Variants in ADGRB3 observed in about 807,000 individuals in gnomAD.
The protein encoded by ADGRB3 is adhesion G protein-coupled receptor B3.
A neutral mutation model predicts 193.4 loss-of-function variants in ADGRB3; 37 were observed. The ratio of observed to expected loss-of-function variants is 0.19; its 90% CI spans 0.15 to 0.25. The LOEUF (loss-of-function observed/expected upper bound fraction) is 0.25. ADGRB3 is among the 10% of genes least tolerant of loss of function. The pLI is 1.00. For synonymous variants in ADGRB3, 690 were observed against 644.2 expected (o/e 1.07, Z -1.08); for missense variants, 1,637 against 1,852.9 (o/e 0.88, Z 2.14).
At chr6:69,156,988 C>A (rs1280168927) in intron 17 of ADGRB3, among the ~76,000 whole-genome samples, 1 of 152,172 alleles carries the variant, frequency 6.6e-6, no homozygotes, top group African/African-American at 2.4e-5. Context: ...AGAGAAGACA[C>A]TATGTTTCCC....
chr6:68,993,734 T>A, intron 10 of ADGRB3, 34 bp from the exon 11 acceptor site: 1 of 1,574,530 alleles, frequency 6.4e-7, no homozygotes, highest in Non-Finnish European at 8.6e-7. Flanking sequence ...TAATGAAGAT[T>A]CTGATGTTTG....
At chr6:69,069,545 T>A (rs1448079924) in intron 16 of ADGRB3, among the ~76,000 whole-genome samples, 3 of 5,230 alleles carry the variant, frequency 5.7e-4, no homozygotes, top group African/African-American at 7.2e-4. Flanking sequence ...CCGTCTCTAC[T>A]AAAAATACAA....
At position 68,846,336 on chromosome 6, in the gene ADGRB3, G is replaced by A. The variant is rs139285649; in HGVS notation, c.758-84223G>A. 1.6e-3 allele frequency among the ~76,000 whole-genome samples: 250 copies of A among 152,338 alleles called. 3 individuals carry two copies. Among genetic ancestry groups the A allele is most frequent in the African/African-American group, 5.8e-3 (241 of 41,588 alleles). ...CCCATTTTTCTGGGGAGAAATTCAAGCTGGCTGCAGAAATTTGCATAAATA... is the reference window on the plus strand; with the variant it reads ...CCCATTTTTCTGGGGAGAAATTCAAACTGGCTGCAGAAATTTGCATAAATA... On this transcript the variant is annotated intron_variant, in intron 3 of 31. Coordinates refer to ENST00000370598, the MANE Select transcript of ADGRB3 (RefSeq NM_001704.3).
intron 3 of ADGRB3, among the ~76,000 whole-genome samples, chr6:68,888,761 A>G (rs910348375): frequency 6.6e-6 from 1 of 152,192 alleles, no homozygotes; most frequent in African/African-American, 2.4e-5. Flanking sequence ...AATGACATTT[A>G]AGTATGGTCC....
intron 11 of ADGRB3, among the ~76,000 whole-genome samples, chr6:69,007,081 T>A (rs1562119339): frequency 1.3e-5 from 2 of 152,140 alleles, no homozygotes; most frequent in Admixed American, 6.6e-5. Context: ...AAGTTCACTT[T>A]CTTTTCTCAA....
At chr6:69,123,972 T>C (rs1411820407) in intron 17 of ADGRB3, among the ~76,000 whole-genome samples, 1 of 152,162 alleles carries the variant, frequency 6.6e-6, no homozygotes, top group African/African-American at 2.4e-5. Flanking sequence ...AAATATCTCT[T>C]CCTTACATTT....
intron 17 of ADGRB3, among the ~76,000 whole-genome samples, chr6:69,199,693 A>T (rs1238153744): frequency 6.6e-6 from 1 of 152,058 alleles, no homozygotes; most frequent in Middle Eastern, 3.2e-3. Context: ...CAAAACAGTA[A>T]CACATAGCTT....
chr6:69,358,438 C>T (rs889482848), intron 28 of ADGRB3, among the ~76,000 whole-genome samples: 3 of 151,852 alleles, frequency 2.0e-5, no homozygotes, highest in African/African-American at 7.2e-5. Flanking sequence ...TTTTCCCGGG[C>T]CTCATTGTAT....
At chr6:68,857,959 A>C (rs2150212942) in intron 3 of ADGRB3, among the ~76,000 whole-genome samples, 1 of 152,272 alleles carries the variant, frequency 6.6e-6, no homozygotes, top group South Asian at 2.1e-4. Flanking sequence ...TGGTTTTAAA[A>C]ATGGGAGTTA....
chr6:69,035,203 A>G (rs1417847529), intron 13 of ADGRB3, among the ~76,000 whole-genome samples: 4 of 152,054 alleles, frequency 2.6e-5, no homozygotes, highest in African/African-American at 9.7e-5. Flanking sequence ...GCATCAAATG[A>G]GGTAATTCGC....
chr6:68,649,167 C>T (rs1031214941), intron 3 of ADGRB3, among the ~76,000 whole-genome samples: 6 of 152,096 alleles, frequency 3.9e-5, no homozygotes, highest in Non-Finnish European at 7.4e-5. Context: ...TTCTCACTCC[C>T]TCTTATGTCT....
intron 10 of ADGRB3, among the ~76,000 whole-genome samples, chr6:68,982,783 C>T (rs1768957783): frequency 6.6e-6 from 1 of 152,162 alleles, no homozygotes; most frequent in Admixed American, 6.5e-5. Context: ...CAAATTTTCA[C>T]TATATTTTTC....
chr6:68,695,899 G>A (rs1360877613), intron 3 of ADGRB3, among the ~76,000 whole-genome samples: 1 of 151,926 alleles, frequency 6.6e-6, no homozygotes, highest in East Asian at 1.9e-4. Context: ...AATGTTGTGA[G>A]GCAAAGGAGC....
At chr6:68,861,933 G>A (rs2150215062) in intron 3 of ADGRB3, among the ~76,000 whole-genome samples, 1 of 152,194 alleles carries the variant, frequency 6.6e-6, no homozygotes. Flanking sequence ...CATTTTATAA[G>A]AGCTAGATTA....
At chr6:68,823,015 A>T (rs1767775031) in intron 3 of ADGRB3, among the ~76,000 whole-genome samples, 1 of 152,020 alleles carries the variant, frequency 6.6e-6, no homozygotes, top group Non-Finnish European at 1.5e-5. Flanking sequence ...GATGATTGCT[A>T]CTTTCAAATA....
intron 13 of ADGRB3, among the ~76,000 whole-genome samples, chr6:69,037,855 T>G (rs1770919705): frequency 6.6e-6 from 1 of 152,178 alleles, no homozygotes; most frequent in South Asian, 2.1e-4. Flanking sequence ...TGAAAAGCTT[T>G]CTCTATTTAG....
At chr6:68,836,162 G>A (rs1261930356) in intron 3 of ADGRB3, among the ~76,000 whole-genome samples, 1 of 152,038 alleles carries the variant, frequency 6.6e-6, no homozygotes, top group African/African-American at 2.4e-5. Flanking sequence ...GAAATGCCAT[G>A]AAGCTCTTTC....
intron 17 of ADGRB3, among the ~76,000 whole-genome samples, chr6:69,220,600 C>A (rs931309267): frequency 6.6e-6 from 1 of 152,098 alleles, no homozygotes; most frequent in African/African-American, 2.4e-5. Flanking sequence ...GATAGAATCA[C>A]CTCATTCTCT....
chr6:68,772,894 A>AAAAAAATATATATAT (rs1466813173), intron 3 of ADGRB3, among the ~76,000 whole-genome samples: 1 of 22,890 alleles, frequency 4.4e-5, no homozygotes, highest in African/African-American at 2.0e-4. Context: ...AAAAAAAAAA[A>AAAAAAATATATATAT]ATATATATAT....
Sources: gnomAD v4.1 joint callset for allele counts (sites outside exome capture counted in the v4.1 genomes callset) on GRCh38, gnomAD v4.1.1 for gene constraint, MANE v1.5 for transcripts, NCBI Gene and HGNC (gene_info 2026-07-23, HGNC 2026-07-21) for gene names.